The following BIRC2 variants were observed in gnomAD, a reference collection of about 807,000 sequenced individuals.
BIRC2 encodes the protein baculoviral IAP repeat containing 2, also known as baculoviral IAP repeat-containing protein 2.
Under a neutral mutation model 60.9 loss-of-function variants are expected in BIRC2, and 18 were observed. The ratio of observed to expected loss-of-function variants is 0.30; its 90% CI spans 0.20 to 0.44. The LOEUF is 0.44. Among genes scored for constraint, BIRC2 ranks in the 20% least tolerant of loss-of-function variants. The pLI is 1.00. For synonymous variants in BIRC2, 282 were observed against 247.7 expected, an observed-to-expected ratio of 1.14 and a Z score of -1.30; for missense variants, 701 against 728.5, an observed-to-expected ratio of 0.96 and a Z score of 0.43.
At chr11:102,372,728 CT>C (rs1405856479) in intron 6 of BIRC2, among the ~76,000 whole-genome samples, 1 of 131,908 alleles carries the variant, frequency 7.6e-6, no homozygotes. Context: ...TCCTTGTTGA[CT>C]TTCTGTCTCG....
At position 102,354,151 on chromosome 11, in the gene BIRC2, A is replaced by G. The variant is rs545236324; in HGVS notation, c.995+3208A>G. On this transcript the variant is annotated intron_variant, in intron 3 of 8. Coordinates refer to ENST00000227758, the MANE Select transcript of BIRC2 (RefSeq NM_001166.5). Reference sequence around the variant, plus strand: ...CCAGTTGTATTTGTCTTTCTCTGGCATATTTCACTTGGCATAATGCCTTCC... The same window carrying G: ...CCAGTTGTATTTGTCTTTCTCTGGCGTATTTCACTTGGCATAATGCCTTCC... Among the ~76,000 whole-genome samples, 5 of 152,318 alleles carry G rather than the reference A, an allele frequency of 3.3e-5. No homozygotes were observed. In the South Asian group the frequency reaches 1.0e-3, roughly 32 times the overall value.
At chr11:102,374,600 A>G (rs545908690) in intron 6 of BIRC2, among the ~76,000 whole-genome samples, 16 of 151,646 alleles carry the variant, frequency 1.1e-4, no homozygotes, top group Admixed American at 9.8e-4. Context: ...TTAAGTCTGC[A>G]GAGGTTACTG....
At chr11:102,363,038 G>A (rs1425498915) in intron 4 of BIRC2, 64 bp downstream of exon 4, 1 of 1,270,190 alleles carries the variant, frequency 7.9e-7, no homozygotes, top group African/African-American at 1.5e-5. Context: ...ATATTATTAG[G>A]TTGGTATAAA....
intron 5 of BIRC2, among the ~76,000 whole-genome samples, chr11:102,366,676 A>G (rs867432663): frequency 6.6e-6 from 1 of 152,062 alleles, no homozygotes; most frequent in East Asian, 1.9e-4. Context: ...GCCCTCCACC[A>G]CTATTAACCT....
chr11:102,366,064 A>C (rs772176651), intron 5 of BIRC2, among the ~76,000 whole-genome samples: 1 of 152,106 alleles, frequency 6.6e-6, no homozygotes, highest in African/African-American at 2.4e-5. Flanking sequence ...CCATTTCCTG[A>C]GCCCCAAGCT....
intron 3 of BIRC2, among the ~76,000 whole-genome samples, chr11:102,353,195 C>T (rs1352646436): frequency 6.6e-6 from 1 of 152,136 alleles, no homozygotes; most frequent in Non-Finnish European, 1.5e-5. Context: ...GGAACTGCTA[C>T]ATTTTGTACC....
At position 102,350,539 on chromosome 11, in the gene BIRC2, A is replaced by G; in HGVS notation, c.685A>G (p.Asn229Asp). 1 of 1,614,220 alleles carries G rather than the reference A, an allele frequency of 6.2e-7. No individual in the cohort carries two copies. Residue 229 changes from asparagine (N) to aspartate (D), a missense_variant, in exon 2 of 9, where the codon AAC becomes GAC. Asn to Asp is a conservative substitution (Grantham distance 23). This residue lies in a region of BIRC2 where 375 missense variants were observed against 365.9 expected (regional missense o/e 1.02). Coordinates refer to ENST00000227758, the MANE Select transcript of BIRC2 (RefSeq NM_001166.5). ...CTTTGCCTGTGGTGGGAAGCTCAGT[A>G]ACTGGGAACCAAAGGATGATGCTAT... ...ACFACGGKLS[N>D]WEPKDDAMSE...
At chr11:102,354,172 C>G (rs139598132) in intron 3 of BIRC2, among the ~76,000 whole-genome samples, 1 of 152,212 alleles carries the variant, frequency 6.6e-6, no homozygotes, top group Non-Finnish European at 1.5e-5. Context: ...GGCATAATGC[C>G]TTCCAGGTTC....
chr11:102,357,279 T>TCTTCTTC (rs1951433675), intron 3 of BIRC2, among the ~76,000 whole-genome samples: 1 of 150,762 alleles, frequency 6.6e-6, no homozygotes. Flanking sequence ...CTTCCCTCCC[T>TCTTCTTC]CTTCTTCCTT....
intron 6 of BIRC2, among the ~76,000 whole-genome samples, chr11:102,375,869 G>GGAT (rs1951707038): frequency 6.6e-6 from 1 of 151,902 alleles, no homozygotes; most frequent in African/African-American, 2.4e-5. Context: ...TGTAAAATGG[G>GGAT]GATAATAATA....
intron 1 of BIRC2, chr11:102,347,687 G>A (rs967081399): frequency 2.0e-5 from 3 of 152,234 alleles, no homozygotes; most frequent in African/African-American, 7.2e-5. Flanking sequence ...GTTTTTGCAA[G>A]GTTTTAAACT....
intron 6 of BIRC2, among the ~76,000 whole-genome samples, chr11:102,374,403 G>T (rs1242012272): frequency 6.8e-6 from 1 of 148,138 alleles, no homozygotes; most frequent in Non-Finnish European, 1.5e-5. Flanking sequence ...ACCCTCAGCT[G>T]CAGGTCTGTT....
intron 5 of BIRC2, among the ~76,000 whole-genome samples, chr11:102,366,534 T>C (rs1485134267): frequency 6.6e-6 from 1 of 152,058 alleles, no homozygotes; most frequent in South Asian, 2.1e-4. Flanking sequence ...GCCCGGCTAA[T>C]TTTTTGTATT....
At chr11:102,351,165 A>G (rs1951354152) in intron 3 of BIRC2, among the ~76,000 whole-genome samples, 1 of 152,228 alleles carries the variant, frequency 6.6e-6, no homozygotes, top group Admixed American at 6.5e-5. Context: ...ATGACCGTAC[A>G]TTTTATTTAT....
At chr11:102,377,777 GA>G in intron 7 of BIRC2, 27 bp downstream of exon 7, 1 of 1,592,766 alleles carries the variant, frequency 6.3e-7, no homozygotes, top group Non-Finnish European at 8.5e-7. Flanking sequence ...AATTATTTTA[GA>G]AATTCTTAGG....
At chr11:102,368,623 C>T in intron 6 of BIRC2, 75 bp downstream of exon 6, 2 of 1,536,834 alleles carry the variant, frequency 1.3e-6, no homozygotes, top group African/African-American at 2.8e-5. Flanking sequence ...TACAGGACAC[C>T]ATGCTTGTTT....
chr11:102,362,739 AT>A, intron 3 of BIRC2, 156 bp from the exon 4 acceptor site: 1 of 545,750 alleles, frequency 1.8e-6, no homozygotes, highest in Non-Finnish European at 3.3e-6. Context: ...TTTTATGATA[AT>A]TTTGTTCCTG....
intron 6 of BIRC2, among the ~76,000 whole-genome samples, chr11:102,372,476 A>AT (rs972229309): frequency 2.6e-5 from 4 of 151,998 alleles, no homozygotes; most frequent in Non-Finnish European, 5.9e-5. Context: ...TAGTTGAGTG[A>AT]TTTTGAGTGT....
chr11:102,363,160 T>A (rs1445912968), intron 4 of BIRC2, among the ~76,000 whole-genome samples, 186 bp downstream of exon 4: 1 of 152,200 alleles, frequency 6.6e-6, no homozygotes, highest in East Asian at 1.9e-4. Flanking sequence ...AGGTACATAC[T>A]TTCATCCATG....
Sources: allele counts gnomAD v4.1 joint callset (sites outside exome capture counted in the v4.1 genomes callset), GRCh38; gene constraint gnomAD v4.1.1; regional missense constraint gnomAD v4.1.1; transcripts MANE v1.5; gene names NCBI Gene and HGNC (gene_info 2026-07-23, HGNC 2026-07-21).